TOP3B: variants seen among roughly 807,000 people sequenced by gnomAD.
The protein encoded by TOP3B is DNA topoisomerase III beta.
In TOP3B, 45 loss-of-function variants were observed where a neutral mutation model predicts 93.9. That is an observed-to-expected ratio of 0.48 (90% CI 0.38 to 0.61). The LOEUF (loss-of-function observed/expected upper bound fraction) is 0.61. TOP3B is among the 20% of genes least tolerant of loss of function. The pLI is 0.00. For synonymous variants in TOP3B, 357 were observed against 472.6 expected (o/e 0.76, Z 3.17); for missense variants, 750 against 1,156.1 (o/e 0.65, Z 5.09).
chr22:21,974,346 G>A lies in TOP3B; in HGVS notation c.202+11C>T, dbSNP rs763500369. ...ACTCCCTTCAGTAGGATGGAGGGTA[G>A]AGGGGCTTACCCAGGAAATCCAGGG... On this transcript the variant is annotated intron_variant, in intron 3 of 17. Transcript: ENST00000357179. 13 of 1,612,610 alleles carry A rather than the reference G, an allele frequency of 8.1e-6. No homozygotes were observed. The highest frequency in any genetic ancestry group is 1.1e-5 in the Non-Finnish European group (13 of 1,178,916).
At chr22:21,980,714 C>G (rs2084611783) in intron 1 of TOP3B, among the ~76,000 whole-genome samples, 1 of 152,210 alleles carries the variant, frequency 6.6e-6, no homozygotes, top group South Asian at 2.1e-4. Context: ...TGCTGCGCAC[C>G]CACCTTTCCT....
In TOP3B at chr22:21,971,168, CAG is replaced by C; in HGVS notation, c.384+707_384+708del. ...GGAGGAGAGGGTATCTGGGAAGAGA[CAG>C]AGTGTGATCGCATTTGCTGAGGGTG... On this transcript the variant is annotated intron_variant, in intron 5 of 17. Coordinates refer to ENST00000357179, the MANE Select transcript of TOP3B (RefSeq NM_001282112.2). This position sits in a 1 kb window ranked among gnomAD's most constrained non-coding sequence, Gnocchi z 4.6. The C allele has an allele frequency of 4.3e-6, 3 of 704,642 alleles. No individual in the cohort carries two copies. Among genetic ancestry groups the C allele is most frequent in the Non-Finnish European group, 6.3e-6 (3 of 472,770 alleles). 43.6% of individuals were successfully genotyped at this position (704,642 alleles called of 1,614,324 possible).
At position 21,959,148 on chromosome 22, in the gene TOP3B, A is replaced by T; in HGVS notation, c.1889T>A (p.Phe630Tyr). 6.2e-7 allele frequency: 1 copy of T among 1,613,898 alleles called. No homozygotes were observed. Among genetic ancestry groups the T allele is most frequent in the Non-Finnish European group, 8.5e-7 (1 of 1,180,000 alleles). ...PLSRCGKCHRFMKYIQAKPSR... is the reference protein window; with the variant it reads ...PLSRCGKCHRYMKYIQAKPSR... ...TGCACCTACCTGGATGTACTTCATG[A>T]AGCGGTGGCACTTCCCACAGCGTGA... is the stretch of plus-strand genomic sequence containing the variant. Residue 630 changes from phenylalanine to tyrosine, a missense_variant, in exon 16 of 18, where the codon TTC (phenylalanine) becomes TAC (tyrosine). By Grantham distance (22) the Phe-to-Tyr change is conservative (BLOSUM62 3). This residue lies in a region of TOP3B where 737 missense variants were observed against 933.7 expected (regional missense o/e 0.79). Coordinates refer to ENST00000357179, the MANE Select transcript of TOP3B (RefSeq NM_001282112.2).
In TOP3B at chr22:21,959,699, C is replaced by T. The variant is rs1488751998; in HGVS notation, c.1692G>A (p.Val564=). Residue 564 remains valine, a synonymous_variant, in exon 15 of 18, where the codon GTG becomes GTA. Transcript: ENST00000357179. Reference sequence around the variant, plus strand: ...GGGCGATCAGGTTCAGCTGCTTCTCCACTGCACTGCGGATGGTGGGGAGCA... The same window carrying T: ...GGGCGATCAGGTTCAGCTGCTTCTCTACTGCACTGCGGATGGTGGGGAGCA... ...ELVLPTIRSA[V]EKQLNLIAQG... is the part of the protein sequence containing the mutation. The T allele has an allele frequency of 1.2e-6, 2 of 1,613,534 alleles. No individual in the cohort carries two copies. Among genetic ancestry groups the T allele is most frequent in the East Asian group, 2.2e-5 (1 of 44,880 alleles).
Position 21,968,625 on chromosome 22 carries a change from C to T in TOP3B, c.732G>A (p.Gln244=). The change falls in exon 7 of 18, where the codon CAG becomes CAA. Residue 244 remains glutamine, a synonymous_variant. Coordinates refer to ENST00000357179, the MANE Select transcript of TOP3B (RefSeq NM_001282112.2). Reference sequence around the variant, plus strand: ...ATAGAGAAAGGCAAGGAACCTTGGCCTGCAGCACCCAGTAGGTCTCTGGTT... The same window carrying T: ...ATAGAGAAAGGCAAGGAACCTTGGCTTGCAGCACCCAGTAGGTCTCTGGTT... The part of the protein sequence containing the change: ...SFKPETYWVL[Q]AKVNTDKDRS... 6.2e-7 allele frequency: 1 copy of T among 1,614,156 alleles called. No homozygotes were observed. The highest frequency in any genetic ancestry group is 8.5e-7 in the Non-Finnish European group (1 of 1,180,034).
At chr22:21,960,732 A>G in intron 13 of TOP3B, 1 of 440,120 alleles carries the variant, frequency 2.3e-6, no homozygotes, top group Admixed American at 3.4e-5. Flanking sequence ...GAACTCTCCA[A>G]GGTCACAGTG....
Position 21,963,048 on chromosome 22 carries a change from G to A in TOP3B, c.1205-155C>T, listed in dbSNP as rs11704493. ...GGGGAAGGAGGAAAGAAAATGTGCAGGAAGGCCGGGCGTGGTGGCTCATGC... is the reference window on the plus strand; with the variant it reads ...GGGGAAGGAGGAAAGAAAATGTGCAAGAAGGCCGGGCGTGGTGGCTCATGC... On this transcript the variant is annotated intron_variant, in intron 11 of 17. Coordinates refer to ENST00000357179, the MANE Select transcript of TOP3B (RefSeq NM_001282112.2). This position sits in a 1 kb window ranked among gnomAD's most constrained non-coding sequence, Gnocchi z 4.8. 6 of 900,018 alleles carry A rather than the reference G, an allele frequency of 6.7e-6. No homozygotes were observed. The highest frequency in any genetic ancestry group is 1.7e-5 in the South Asian group (1 of 59,830). The allele number at this position is 900,018 out of a possible 1,614,324, so 55.8% of individuals were successfully genotyped here.
intron 1 of TOP3B, chr22:21,976,029 G>C: frequency 5.0e-6 from 1 of 201,050 alleles, no homozygotes; most frequent in Non-Finnish European, 1.0e-5. Flanking sequence ...GGCTCCATTT[G>C]GGGGAAGGTG....
intron 14 of TOP3B, chr22:21,959,986 C>T: frequency 1.6e-6 from 1 of 626,088 alleles, no homozygotes; most frequent in Admixed American, 3.0e-5. Context: ...AGAACCACAT[C>T]ACACATGAGC....
At chr22:21,961,090 G>T (rs2071158161) in intron 13 of TOP3B, 1 of 153,802 alleles carries the variant, frequency 6.5e-6, no homozygotes, top group Non-Finnish European at 1.4e-5. Flanking sequence ...GGGGCTCCCT[G>T]CATGCTCACC....
At chr22:21,977,989 T>C (rs2071950463) in intron 1 of TOP3B, among the ~76,000 whole-genome samples, 1 of 150,652 alleles carries the variant, frequency 6.6e-6, no homozygotes, top group Non-Finnish European at 1.5e-5. Flanking sequence ...GAAGGTGAGG[T>C]CCTTGGGGAG....
At chr22:21,962,356 A>G in intron 13 of TOP3B, 73 bp downstream of exon 13, 1 of 1,605,810 alleles carries the variant, frequency 6.2e-7, no homozygotes, top group Non-Finnish European at 8.5e-7. Flanking sequence ...CTGGCGGGGC[A>G]GCTTTGTGAG....
intron 1 of TOP3B, 54 bp downstream of exon 1, chr22:21,982,676 G>T (rs2084659768): frequency 1.3e-5 from 2 of 152,250 alleles, no homozygotes; most frequent in Admixed American, 1.3e-4. Flanking sequence ...AAAAATGCGT[G>T]CGCTTCCCGC....
In TOP3B at chr22:21,970,287, G is replaced by A. The variant is rs146941854; in HGVS notation, c.504C>T (p.Gly168=). The A allele has an allele frequency of 8.7e-6, 14 of 1,613,884 alleles. No homozygotes were observed. The highest frequency in any genetic ancestry group is 6.7e-5 in the African/African-American group (5 of 74,910). ...AGAGCGCCTCGTTGTGGTCAGGCTC[G>A]CCTAGGCAGGCCATGGCATTACAGA... ...TDICNAMACL[G]EPDHNEALSV... The change falls in exon 6 of 18, where the codon GGC becomes GGT. Residue 168 remains glycine (G), a synonymous_variant. Transcript: ENST00000357179. The surrounding 1 kb of genome is among the most constrained non-coding windows in gnomAD (Gnocchi z 4.4).
chr22:21,959,775 C>T (rs766961160), intron 14 of TOP3B, 39 bp from the exon 15 acceptor site: 9 of 1,596,454 alleles, frequency 5.6e-6, no homozygotes, highest in South Asian at 4.5e-5. Context: ...CCTGAGCACT[C>T]GCACCCAGGG....
chr22:21,967,831 GGCTGTAATGGCTCACA>G, intron 7 of TOP3B, 115 bp from the exon 8 acceptor site: 1 of 745,630 alleles, frequency 1.3e-6, no homozygotes, highest in Non-Finnish European at 2.3e-6. Flanking sequence ...AAATAGCCCT[GGCTGTAATGGCTCACA>G]GCTGTACCTG....
At chr22:21,961,582 C>T (rs1371557525) in intron 13 of TOP3B, 1 of 152,622 alleles carries the variant, frequency 6.6e-6, no homozygotes, top group Non-Finnish European at 1.5e-5. Flanking sequence ...CCCTGGACCC[C>T]TGAGAGGAGC....
In TOP3B at chr22:21,958,523, G is replaced by T; in HGVS notation, c.2076C>A (p.Tyr692Ter). The change falls in exon 17 of 18, where the codon TAC becomes TAA. Residue 692 changes from tyrosine (Y) to a stop codon, truncating the protein, a stop_gained. Coordinates refer to ENST00000357179, the MANE Select transcript of TOP3B (RefSeq NM_001282112.2). LOFTEE classifies it high-confidence loss of function. ...GKSYPLCPYC[Y>*]NHPPFRDMKK... is the part of the protein sequence containing the mutation. ...TCATGTCTCGGAAGGGTGGGTGGTT[G>T]TAGCAGTAGGGGCACAGCGGGTAGC... 1 of 1,614,104 alleles carries T rather than the reference G, an allele frequency of 6.2e-7. No homozygotes were observed. Among genetic ancestry groups the T allele is most frequent in the Non-Finnish European group, 8.5e-7 (1 of 1,180,042 alleles).
chr22:21,968,792 G>T lies in TOP3B; in HGVS notation c.582-17C>A. Reference sequence around the variant, plus strand: ...GTCTGAAACCTGGAGGGAGTGGAAAGATATTTTGGTCACTGATTCACTCAA... The same window carrying T: ...GTCTGAAACCTGGAGGGAGTGGAAATATATTTTGGTCACTGATTCACTCAA... On this transcript the variant is annotated splice_polypyrimidine_tract_variant and intron_variant, in intron 6 of 17. Coordinates refer to ENST00000357179, the MANE Select transcript of TOP3B (RefSeq NM_001282112.2). The T allele has an allele frequency of 6.2e-7, 1 of 1,613,884 alleles. No homozygotes were observed. The highest frequency in any genetic ancestry group is 1.1e-5 in the South Asian group (1 of 91,070).
Sources: gnomAD v4.1 joint callset for allele counts (sites outside exome capture counted in the v4.1 genomes callset) on GRCh38, gnomAD v4.1.1 for gene constraint, gnomAD v4.1.1 regional missense constraint, Gnocchi (gnomAD v3.1) non-coding constraint, MANE v1.5 for transcripts, NCBI Gene and HGNC (gene_info 2026-07-23, HGNC 2026-07-21) for gene names.